The following P4HB variants were observed in gnomAD, a reference collection of about 807,000 sequenced individuals.
P4HB encodes prolyl 4-hydroxylase subunit beta.
Under a neutral mutation model 52.6 loss-of-function variants are expected in P4HB, and 20 were observed. The observed-to-expected ratio is 0.38, with a 90% CI of 0.27 to 0.55. The LOEUF (loss-of-function observed/expected upper bound fraction) is 0.55. Ranked by LOEUF, P4HB falls within the 20% of genes least tolerant of loss-of-function variation. The pLI is 0.74. For missense variants in P4HB, 601 were observed against 669.2 expected (o/e 0.90, Z 1.12); for synonymous variants, 296 against 277.9 (o/e 1.07, Z -0.65).
In P4HB at chr17:81,846,711, G is replaced by A. The variant is rs891665311; in HGVS notation, c.856-82C>T. The A allele has an allele frequency of 1.0e-5, 14 of 1,389,860 alleles. No homozygotes were observed. The highest frequency in any genetic ancestry group is 7.1e-5 in the South Asian group (6 of 84,326). 86.1% of individuals were successfully genotyped at this position (1,389,860 alleles called of 1,614,324 possible). On this transcript the variant is annotated intron_variant, in intron 6 of 10. Coordinates refer to ENST00000331483, the MANE Select transcript of P4HB (RefSeq NM_000918.4). The surrounding 1 kb of genome is among the most constrained non-coding windows in gnomAD (Gnocchi z 5.7). ...CCCTGACTTTGCTCGGAAGCAGACC[G>A]TGCTCCGGTGCCTTTTTCCTCCAAC...
chr17:81,845,257 G>GACCA, intron 9 of P4HB, 27 bp from the exon 10 acceptor site: 1 of 1,556,072 alleles, frequency 6.4e-7, no homozygotes, highest in African/African-American at 1.4e-5. Context: ...TGAGTGCAGG[G>GACCA]GCTGGTCCCG....
rs1199527704 is a variant in P4HB at position 81,845,920 on chromosome 17, G to A, written c.1128C>T (p.Asn376=). The change falls in exon 8 of 11, where the codon AAC becomes AAT. Residue 376 remains asparagine, a synonymous_variant. Coordinates refer to ENST00000331483, the MANE Select transcript of P4HB (RefSeq NM_000918.4). ...KQPVKVLVGK[N]FEDVAFDEKK... ...TCTCATCAAAAGCCACGTCTTCAAA[G>A]TTCTTCCCAACAAGCACCTTGACAG... 1.2e-6 allele frequency: 2 copies of A among 1,613,594 alleles called. No homozygotes were observed. The highest frequency in any genetic ancestry group is 2.7e-5 in the African/African-American group (2 of 74,942).
rs994049769 is a variant in P4HB at position 81,860,494 on chromosome 17, C to T, written c.-23G>A. On this transcript the variant is annotated 5_prime_UTR_variant, in exon 1 of 11. Transcript: ENST00000331483. ...CATGTCGGACACGGATCAGGCGGGG[C>T]GCTTCGGTTGGCGCCGCCGGGACAG... The T allele has an allele frequency of 7.2e-6, 9 of 1,251,512 alleles. No individual in the cohort carries two copies. The highest frequency in any genetic ancestry group is 9.0e-6 in the Non-Finnish European group (9 of 995,890). The allele number at this position is 1,251,512 out of a possible 1,614,324, so 77.5% of individuals were successfully genotyped here.
intron 2 of P4HB, among the ~76,000 whole-genome samples, chr17:81,858,392 G>A (rs898664978): frequency 6.6e-6 from 1 of 151,948 alleles, no homozygotes; most frequent in African/African-American, 2.4e-5. Flanking sequence ...ACAGCCAAGT[G>A]AGAGGCAACC....
chr17:81,859,217 T>G lies in P4HB; in HGVS notation c.316A>C (p.Arg106=). 1 of 1,614,006 alleles carries G rather than the reference T, an allele frequency of 6.2e-7. No homozygotes were observed. Among genetic ancestry groups the G allele is most frequent in the Non-Finnish European group, 8.5e-7 (1 of 1,180,020 alleles). The change falls in exon 2 of 11, where the codon AGG becomes CGG. Residue 106 remains arginine (R), a synonymous_variant. Coordinates refer to ENST00000331483, the MANE Select transcript of P4HB (RefSeq NM_000918.4). ...VRGYPTIKFF[R]NGDTASPKEY... ...TTGGGGGAAGCCGTGTCTCCATTCC[T>G]GAAGAACTTGATGGTGGGATAGCCG...
intron 4 of P4HB, 35 bp from the exon 5 acceptor site, chr17:81,847,382 C>A (rs994966704): frequency 8.4e-6 from 13 of 1,556,744 alleles, no homozygotes; most frequent in Non-Finnish European, 1.2e-5. Context: ...CTGAGCATTG[C>A]TGCTGGGAGC....
Position 81,846,129 on chromosome 17 carries a change from C to T in P4HB, c.1057-138G>A. The T allele has an allele frequency of 8.7e-7, 1 of 1,154,748 alleles. No individual in the cohort carries two copies. Among genetic ancestry groups the T allele is most frequent in the South Asian group, 1.6e-5 (1 of 61,414 alleles). The allele number at this position is 1,154,748 out of a possible 1,614,324, so 71.5% of individuals were successfully genotyped here. A position where few individuals can be genotyped will look rare whatever the true frequency, so the allele number is the denominator to read the frequency against. On this transcript the variant is annotated intron_variant, in intron 7 of 10. Coordinates refer to ENST00000331483, the MANE Select transcript of P4HB (RefSeq NM_000918.4). The surrounding 1 kb of genome is among the most constrained non-coding windows in gnomAD (Gnocchi z 5.7). Reference sequence around the variant, plus strand: ...GTGGCAGCCGCAGACACCAACAGTGCCAAGAATCCAGAAAGAGAAGGCTGG... The same window carrying T: ...GTGGCAGCCGCAGACACCAACAGTGTCAAGAATCCAGAAAGAGAAGGCTGG...
chr17:81,844,738 C>T (rs1460158647), intron 10 of P4HB, among the ~76,000 whole-genome samples: 2 of 152,238 alleles, frequency 1.3e-5, no homozygotes. Context: ...CTGCTGCTGG[C>T]CACGCGCTGA....
rs1336413135 is a variant in P4HB, at chr17:81,845,977, G to A, written c.1071C>T (p.Ser357=). ...TGTCCCAGTCCTCCGGCAGCTCCTGGCTCATCAGGTGGGGCTGGAGGGCAG... is the reference window on the plus strand; with the variant it reads ...TGTCCCAGTCCTCCGGCAGCTCCTGACTCATCAGGTGGGGCTGGAGGGCAG... ...LEGKIKPHLM[S]QELPEDWDKQ... The change falls in exon 8 of 11, where the codon AGC becomes AGT. Residue 357 remains serine (S), a synonymous_variant. Transcript: ENST00000331483. The A allele has an allele frequency of 6.2e-7, 1 of 1,610,784 alleles. No homozygotes were observed. Among genetic ancestry groups the A allele is most frequent in the Non-Finnish European group, 8.5e-7 (1 of 1,178,308 alleles).
In P4HB at chr17:81,847,238, C is replaced by T. The variant is rs765297534; in HGVS notation, c.729+5G>A. On this transcript the variant is annotated splice_donor_5th_base_variant and intron_variant, in intron 5 of 10. Transcript: ENST00000331483. ...CCCAGCCTGGGGGCTGCAGGGCAGC[C>T]GCACCTGCTCGGTGAACTCGATGAC... The T allele has an allele frequency of 1.5e-5, 24 of 1,613,616 alleles. No homozygotes were observed. Among genetic ancestry groups the T allele is most frequent in the Non-Finnish European group, 1.2e-5 (14 of 1,179,726 alleles).
chr17:81,846,495 T>C lies in P4HB; in HGVS notation c.990A>G (p.Glu330=), dbSNP rs1033782616. 9 of 1,613,816 alleles carry C rather than the reference T, an allele frequency of 5.6e-6. No homozygotes were observed. The highest frequency in any genetic ancestry group is 1.3e-5 in the African/African-American group (1 of 74,922). The change falls in exon 7 of 11, where the codon GAA becomes GAG. Residue 330 remains glutamate, a synonymous_variant. Transcript: ENST00000331483. The surrounding 1 kb of genome is among the most constrained non-coding windows in gnomAD (Gnocchi z 5.7). ...TCCTCTCTGCCGTCAGCTCCTCCGA[T>C]TCGGGCTTGTACTTGGTCATCTCCT... ...LEEEMTKYKP[E]SEELTAERIT...
chr17:81,845,419 G>A, intron 9 of P4HB, 142 bp downstream of exon 9: 3 of 891,894 alleles, frequency 3.4e-6, no homozygotes, highest in South Asian at 1.7e-5. Context: ...GAAAAACAAA[G>A]GTGGGTGCTT....
intron 4 of P4HB, among the ~76,000 whole-genome samples, chr17:81,850,546 C>G (rs1229252707): frequency 6.6e-6 from 1 of 152,062 alleles, no homozygotes; most frequent in Non-Finnish European, 1.5e-5. Context: ...GGCACGATCT[C>G]GATCTTGCCT....
intron 1 of P4HB, 42 bp downstream of exon 1, chr17:81,860,285 A>G (rs766426489): frequency 1.5e-4 from 203 of 1,373,772 alleles, no homozygotes; most frequent in Non-Finnish European, 1.8e-4. Flanking sequence ...AGCCTGGCTC[A>G]GCGGCCCCGA....
chr17:81,844,178 CG>C, intron 10 of P4HB, 86 bp from the exon 11 acceptor site: 1 of 957,652 alleles, frequency 1.0e-6, no homozygotes, highest in Non-Finnish European at 1.7e-6. Flanking sequence ...CTGCTCACAC[CG>C]GGGACTAGCC....
Position 81,844,251 on chromosome 17 carries a change from CAG to C in P4HB, c.1447-161_1447-160del, listed in dbSNP as rs10567063. Among the ~76,000 whole-genome samples the C allele has an allele frequency of 0.2, 29,932 of 152,204 alleles. 3,155 individuals carry two copies. Among genetic ancestry groups the C allele is most frequent in the Admixed American group, 0.28 (4,312 of 15,300 alleles). The stretch of plus-strand genomic sequence containing the variant: ...CCAACCCTGGTCTTTACGAGCTACA[CAG>C]GGGTCTTCCCAGGAAGAGTGACGCC... On this transcript the variant is annotated intron_variant, in intron 10 of 10. Coordinates refer to ENST00000331483, the MANE Select transcript of P4HB (RefSeq NM_000918.4).
chr17:81,858,247 G>A (rs186850405), intron 2 of P4HB, among the ~76,000 whole-genome samples: 5 of 126,044 alleles, frequency 4.0e-5, no homozygotes, highest in Admixed American at 9.6e-5. Context: ...ACGACAGAGC[G>A]AGACTGTCTC....
Position 81,846,244 on chromosome 17 carries a change from A to T in P4HB, c.1056+185T>A. ...AGGAGCATCTGGGCCAGCCGTGTGG[A>T]CAAGAGGGCTCCTACAGGTCCCCAA... On this transcript the variant is annotated intron_variant, in intron 7 of 10. Coordinates refer to ENST00000331483, the MANE Select transcript of P4HB (RefSeq NM_000918.4). This position sits in a 1 kb window ranked among gnomAD's most constrained non-coding sequence, Gnocchi z 5.7. 1.4e-6 allele frequency: 1 copy of T among 715,726 alleles called. No individual in the cohort carries two copies. The highest frequency in any genetic ancestry group is 2.3e-6 in the Non-Finnish European group (1 of 438,924). 44.3% of individuals were successfully genotyped at this position (715,726 alleles called of 1,614,324 possible). A position where few individuals can be genotyped will look rare whatever the true frequency, so the allele number is the denominator to read the frequency against.
chr17:81,860,520 C>T lies in P4HB; in HGVS notation c.-49G>A, dbSNP rs1450481167. On this transcript the variant is annotated 5_prime_UTR_variant, in exon 1 of 11. Coordinates refer to ENST00000331483, the MANE Select transcript of P4HB (RefSeq NM_000918.4). The stretch of plus-strand genomic sequence containing the variant: ...GCTTCGGTTGGCGCCGCCGGGACAG[C>T]GGGGGCGACGAGAGCGCGCGCCGGT... The T allele has an allele frequency of 1.7e-5, 21 of 1,231,784 alleles. No individual in the cohort carries two copies. The highest frequency in any genetic ancestry group is 3.2e-5 in the East Asian group (1 of 30,996). 76.3% of individuals were successfully genotyped at this position (1,231,784 alleles called of 1,614,324 possible). A position where few individuals can be genotyped will look rare whatever the true frequency, so the allele number is the denominator to read the frequency against.
Sources: allele counts gnomAD v4.1 joint callset (sites outside exome capture counted in the v4.1 genomes callset), GRCh38; gene constraint gnomAD v4.1.1; non-coding constraint Gnocchi (gnomAD v3.1); transcripts MANE v1.5; gene names NCBI Gene and HGNC (gene_info 2026-07-23, HGNC 2026-07-21).